The following ANO1 variants were observed in gnomAD, a reference collection of about 807,000 sequenced individuals.
ANO1 encodes the protein anoctamin 1.
ANO1 carries 59 observed loss-of-function variants against 124.0 expected under a neutral mutation model. The ratio of observed to expected loss-of-function variants is 0.48; its 90% CI spans 0.39 to 0.59. The LOEUF (loss-of-function observed/expected upper bound fraction) is 0.59, where lower values mean the gene tolerates loss of function less well. Among genes scored for constraint, ANO1 ranks in the 20% least tolerant of loss-of-function variants. The pLI is 0.00. For missense variants in ANO1, 1,059 were observed against 1,328.0 expected (o/e 0.80, Z 3.15); for synonymous variants, 529 against 532.0 (o/e 0.99, Z 0.08).
In ANO1 at chr11:70,163,319, C is replaced by T. The variant is rs375007806; in HGVS notation, c.1929C>T (p.Phe643=). Residue 643 remains phenylalanine (F), a synonymous_variant, in exon 19 of 26, where the codon TTC becomes TTT. Transcript: ENST00000355303. ...VGRPGDYVYI[F]RSFRMEECAP... Reference sequence around the variant, plus strand: ...GCCCGGGCGACTACGTGTACATTTTCCGTTCCTTCCGAATGGAAGAGGTAA... The same window carrying T: ...GCCCGGGCGACTACGTGTACATTTTTCGTTCCTTCCGAATGGAAGAGGTAA... 4.3e-6 allele frequency: 7 copies of T among 1,614,018 alleles called. No homozygotes were observed. The highest frequency in any genetic ancestry group is 5.9e-6 in the Non-Finnish European group (7 of 1,179,902).
At chr11:70,115,425 C>G (rs947463587) in intron 7 of ANO1, among the ~76,000 whole-genome samples, 2 of 152,036 alleles carry the variant, frequency 1.3e-5, no homozygotes, top group African/African-American at 2.4e-5. Flanking sequence ...CCAGCCTGAC[C>G]AACGTGGTGA....
chr11:70,048,187 C>T (rs1383430660), intron 1 of ANO1, among the ~76,000 whole-genome samples: 2 of 152,062 alleles, frequency 1.3e-5, no homozygotes, highest in South Asian at 2.1e-4. Context: ...TAACTTTGCC[C>T]CTGAACTTTT....
chr11:69,970,550 A>G, the ANO1 span, among the ~76,000 whole-genome samples: 2 of 152,206 alleles, frequency 1.3e-5, no homozygotes, highest in Admixed American at 6.5e-5. Context: ...AAATGTTTAC[A>G]TAAGGGGAAC....
chr11:70,099,298 C>T (rs1015593683), intron 2 of ANO1, among the ~76,000 whole-genome samples: 3 of 152,086 alleles, frequency 2.0e-5, no homozygotes, highest in African/African-American at 4.8e-5. Flanking sequence ...GTGTTTTTGC[C>T]GAACTGGTCT....
At chr11:70,155,633 T>G (rs376938703) in intron 14 of ANO1, among the ~76,000 whole-genome samples, 1 of 152,238 alleles carries the variant, frequency 6.6e-6, no homozygotes, top group East Asian at 1.9e-4. Context: ...CCACCATCTG[T>G]GAGATGGGGC....
chr11:69,994,718 C>T (rs867591), intron 1 of ANO1, among the ~76,000 whole-genome samples: 89,992 of 151,930 alleles, frequency 0.59, 27,180 homozygotes, highest in Admixed American at 0.7. Flanking sequence ...ACCCAAACTG[C>T]TTCCATCAGC....
intron 22 of ANO1, among the ~76,000 whole-genome samples, chr11:70,174,321 G>A (rs1037708588): frequency 1.7e-4 from 25 of 151,322 alleles, no homozygotes; most frequent in Non-Finnish European, 2.7e-4. Context: ...GCATGAACCC[G>A]GGAGGCGGAG....
At chr11:70,096,219 G>GAGAGCCACCTTGAACC (rs2044950748) in intron 2 of ANO1, among the ~76,000 whole-genome samples, 1 of 152,176 alleles carries the variant, frequency 6.6e-6, no homozygotes, top group Non-Finnish European at 1.5e-5. Flanking sequence ...CGTTATAGAT[G>GAGAGCCACCTTGAACC]AGAGCCACCT....
intron 9 of ANO1, among the ~76,000 whole-genome samples, chr11:70,124,707 T>C (rs1166002629): frequency 6.6e-6 from 1 of 152,084 alleles, no homozygotes; most frequent in African/African-American, 2.4e-5. Context: ...GTTTTCCGGA[T>C]TTGAGACGTG....
chr11:69,990,893 A>T (rs1370536144), intron 1 of ANO1, among the ~76,000 whole-genome samples: 1 of 152,222 alleles, frequency 6.6e-6, no homozygotes, highest in Admixed American at 6.5e-5. Context: ...ATTTGCAAAT[A>T]TCTTCTCCCA....
intron 1 of ANO1, among the ~76,000 whole-genome samples, chr11:70,042,196 C>A (rs1857194036): frequency 6.6e-6 from 1 of 152,132 alleles, no homozygotes; most frequent in Admixed American, 6.5e-5. Context: ...AAGCAACAAA[C>A]AGACAAAATA....
rs890707547 is a variant in ANO1, at chr11:70,030,817, C to T, written c.58+44651C>T. On this transcript the variant is annotated intron_variant, in intron 1 of 27. Transcript: ENST00000531349. ...ACATCTCTGGAGGCCAATATCCAGT[C>T]GATGGCCACCCCTCCACCAGCTGGA... Among the ~76,000 whole-genome samples the T allele has an allele frequency of 3.9e-5, 6 of 152,226 alleles. No homozygotes were observed. In the East Asian group the frequency reaches 5.8e-4, roughly 15 times the overall value.
At chr11:70,095,894 A>T (rs547167372) in intron 2 of ANO1, among the ~76,000 whole-genome samples, 1 of 151,888 alleles carries the variant, frequency 6.6e-6, no homozygotes, top group Non-Finnish European at 1.5e-5. Context: ...TAGGAGTTCT[A>T]TTTGGTTCTT....
chr11:70,043,872 A>G (rs1053752292), intron 1 of ANO1, among the ~76,000 whole-genome samples: 12 of 152,284 alleles, frequency 7.9e-5, no homozygotes, highest in African/African-American at 2.2e-4. Flanking sequence ...TGGGATATAC[A>G]CAAAAGGATG....
chr11:70,058,287 G>A (rs1035546582), intron 1 of ANO1, among the ~76,000 whole-genome samples: 2 of 152,112 alleles, frequency 1.3e-5, no homozygotes, highest in Admixed American at 1.3e-4. Context: ...CAAGTTTTTG[G>A]GCTCTATCCT....
At chr11:70,117,888 G>T (rs2046053129) in intron 8 of ANO1, among the ~76,000 whole-genome samples, 1 of 152,178 alleles carries the variant, frequency 6.6e-6, no homozygotes, top group Non-Finnish European at 1.5e-5. Context: ...TCCAGATGAA[G>T]ATGCTATCTA....
At chr11:70,040,727 C>T (rs188601047) in intron 1 of ANO1, among the ~76,000 whole-genome samples, 45 of 152,186 alleles carry the variant, frequency 3.0e-4, no homozygotes, top group Admixed American at 1.9e-3. Flanking sequence ...AGAGCCCGGT[C>T]GAAGGACACT....
In ANO1 at chr11:70,095,299, G is replaced by GGAAGGAAGGAAAGAAA. The variant is rs1555017361; in HGVS notation, c.441+7218_441+7219insGGAAGGAAAGAAAGAA. Among the ~76,000 whole-genome samples, 8 of 50,972 alleles carry GGAAGGAAGGAAAGAAA rather than the reference G, an allele frequency of 1.6e-4. 1 individual carries two copies. The highest frequency in any genetic ancestry group is 6.2e-4 in the African/African-American group (7 of 11,208). 33.4% of individuals were successfully genotyped at this position (50,972 alleles called of 152,430 possible). On this transcript the variant is annotated intron_variant, in intron 2 of 25. Transcript: ENST00000355303. ...AGGAAGGAAGGAAGGAAGGAAGGAA[G>GGAAGGAAGGAAAGAAA]GAAAGAAAGAAAGAAAGAAAGGAAA...
In ANO1 at chr11:70,032,166, C is replaced by T. The variant is rs556590119; in HGVS notation, c.58+46000C>T. Among the ~76,000 whole-genome samples the T allele has an allele frequency of 5.3e-5, 8 of 152,150 alleles. No homozygotes were observed. In the East Asian group the frequency reaches 7.8e-4, roughly 15 times the overall value. ...CAACTGTGGTCTGTGCTGTGAAGGACGGAAATGCAGGATGAGGTAGTGGGT... is the reference window on the plus strand; with the variant it reads ...CAACTGTGGTCTGTGCTGTGAAGGATGGAAATGCAGGATGAGGTAGTGGGT... On this transcript the variant is annotated intron_variant, in intron 1 of 27. Coordinates refer to the ANO1 transcript ENST00000531349.
Sources: allele counts gnomAD v4.1 joint callset (sites outside exome capture counted in the v4.1 genomes callset), GRCh38; gene constraint gnomAD v4.1.1; transcripts MANE v1.5; gene names NCBI Gene and HGNC (gene_info 2026-07-23, HGNC 2026-07-21).